Variants in BICDL1 observed in about 807,000 individuals in gnomAD.
BICDL1 encodes BICD family-like cargo adapter 1.
A neutral mutation model predicts 76.8 loss-of-function variants in BICDL1; 20 were observed. The observed-to-expected ratio is 0.26, with a 90% CI of 0.18 to 0.38. The LOEUF (loss-of-function observed/expected upper bound fraction) is 0.38. BICDL1 is among the 10% of genes least tolerant of loss of function. The pLI, the probability that BICDL1 is intolerant of heterozygous loss-of-function variation, is 1.00. For missense variants in BICDL1, 700 were observed against 798.6 expected (o/e 0.88, Z 1.49); for synonymous variants, 383 against 337.1 (o/e 1.14, Z -1.49).
intron 2 of BICDL1, among the ~76,000 whole-genome samples, chr12:120,009,150 G>A (rs1951906290): frequency 6.6e-6 from 1 of 152,102 alleles, no homozygotes; most frequent in Admixed American, 6.5e-5. Context: ...ACCACACCCA[G>A]CTAATTTTTG....
intron 2 of BICDL1, among the ~76,000 whole-genome samples, chr12:120,024,317 A>T (rs1952244353): frequency 6.6e-6 from 1 of 152,188 alleles, no homozygotes; most frequent in South Asian, 2.1e-4. Context: ...ACCTAAATCG[A>T]ACTTCTAGAA....
chr12:120,024,506 A>G (rs976794747), intron 2 of BICDL1, among the ~76,000 whole-genome samples: 5 of 152,224 alleles, frequency 3.3e-5, no homozygotes, highest in African/African-American at 1.2e-4. Flanking sequence ...TTGAACAAAT[A>G]ATGGCTGAAA....
chr12:120,043,820 C>T (rs529018660), intron 2 of BICDL1, among the ~76,000 whole-genome samples: 77 of 152,310 alleles, frequency 5.1e-4, no homozygotes, highest in Non-Finnish European at 9.0e-4. Context: ...CATTTGAATA[C>T]CTGCCATGTG....
At chr12:120,015,052 A>G (rs150569802) in intron 2 of BICDL1, among the ~76,000 whole-genome samples, 13 of 152,198 alleles carry the variant, frequency 8.5e-5, no homozygotes, top group Non-Finnish European at 1.9e-4. Context: ...CAAAGCTGAA[A>G]CCCTCAAGAG....
intron 2 of BICDL1, among the ~76,000 whole-genome samples, chr12:120,054,036 CATG>C (rs1378278879): frequency 6.6e-6 from 1 of 151,008 alleles, no homozygotes; most frequent in Non-Finnish European, 1.5e-5. Context: ...ATAAGCCAGG[CATG>C]GTGGTGGGCA....
At chr12:120,034,230 C>T (rs1161244160) in intron 2 of BICDL1, among the ~76,000 whole-genome samples, 1 of 152,190 alleles carries the variant, frequency 6.6e-6, no homozygotes, top group Non-Finnish European at 1.5e-5. Flanking sequence ...GATCTGCCAT[C>T]TGTAGAAATA....
chr12:119,989,806 C>T lies in BICDL1; in HGVS notation c.-63C>T. 4 of 816,008 alleles carry T rather than the reference C, an allele frequency of 4.9e-6. No individual in the cohort carries two copies. The highest frequency in any genetic ancestry group is 1.1e-4 in the South Asian group (2 of 17,928). 50.5% of individuals were successfully genotyped at this position (816,008 alleles called of 1,614,324 possible). On this transcript the variant is annotated 5_prime_UTR_variant, in exon 1 of 10. Coordinates refer to ENST00000548673, the MANE Select transcript of BICDL1 (RefSeq NM_001367886.1). ...CGCGGGGCGGCGCGGCAGGGCCCCTCCCCCCTGCAGCCTGGCGCGCGCGGG... is the reference window on the plus strand; with the variant it reads ...CGCGGGGCGGCGCGGCAGGGCCCCTTCCCCCTGCAGCCTGGCGCGCGCGGG...
chr12:120,033,420 A>G (rs1952468288), intron 2 of BICDL1, among the ~76,000 whole-genome samples: 1 of 120,378 alleles, frequency 8.3e-6, no homozygotes, highest in African/African-American at 3.5e-5. Context: ...TCTGTCGTCC[A>G]GGCTGGAGTG....
intron 2 of BICDL1, among the ~76,000 whole-genome samples, chr12:120,002,374 A>G (rs1951775473): frequency 6.6e-6 from 1 of 152,236 alleles, no homozygotes; most frequent in Admixed American, 6.5e-5. Flanking sequence ...ACCAACAGAT[A>G]CAACTCTTGG....
intron 7 of BICDL1, among the ~76,000 whole-genome samples, chr12:120,075,287 C>T (rs994145393): frequency 6.6e-6 from 1 of 152,296 alleles, no homozygotes. Context: ...TGCTCCTGCC[C>T]CTGTCCTTTC....
Position 120,074,532 on chromosome 12 carries a change from A to G in BICDL1, c.1398A>G (p.Gly466=). 7.8e-7 allele frequency: 1 copy of G among 1,280,210 alleles called. No individual in the cohort carries two copies. The highest frequency in any genetic ancestry group is 5.8e-5 in the East Asian group (1 of 17,378). The allele number at this position is 1,280,210 out of a possible 1,614,324, so 79.3% of individuals were successfully genotyped here. ...DSRALRELME[G]ERGKLRQSLE... The stretch of plus-strand genomic sequence containing the variant: ...GAGCCCTAAGGGAGCTCATGGAGGG[A>G]GAGAGGGGTAAACTGAGGCAAAGCC... The change falls in exon 7 of 10, where the codon GGA becomes GGG. Residue 466 remains glycine, a synonymous_variant. Transcript: ENST00000548673.
At chr12:120,039,016 G>A (rs896038768) in intron 2 of BICDL1, among the ~76,000 whole-genome samples, 3 of 152,166 alleles carry the variant, frequency 2.0e-5, no homozygotes, top group African/African-American at 7.2e-5. Flanking sequence ...ACAAAAACAA[G>A]GCCGGGCACG....
intron 9 of BICDL1, chr12:120,091,033 C>T (rs538719550): frequency 1.1e-4 from 137 of 1,288,838 alleles, no homozygotes; most frequent in Non-Finnish European, 1.3e-4. Flanking sequence ...AGCCTGAGCC[C>T]TACATCCCAT....
intron 2 of BICDL1, among the ~76,000 whole-genome samples, chr12:120,020,553 T>C (rs1394008527): frequency 6.6e-6 from 1 of 152,122 alleles, no homozygotes; most frequent in Non-Finnish European, 1.5e-5. Context: ...CAAATAACTC[T>C]AGGTGATGAG....
At chr12:120,067,091 C>T (rs1953237313) in intron 4 of BICDL1, among the ~76,000 whole-genome samples, 1 of 152,198 alleles carries the variant, frequency 6.6e-6, no homozygotes, top group African/African-American at 2.4e-5. Context: ...TGAGAATAAG[C>T]ATAAAAATTA....
At chr12:120,046,660 C>G (rs1215269213) in intron 2 of BICDL1, among the ~76,000 whole-genome samples, 1 of 152,128 alleles carries the variant, frequency 6.6e-6, no homozygotes, top group Non-Finnish European at 1.5e-5. Flanking sequence ...TCTTATTTAT[C>G]TCTGTATCCC....
intron 8 of BICDL1, among the ~76,000 whole-genome samples, chr12:120,085,510 C>T (rs1228240590): frequency 1.3e-5 from 2 of 151,978 alleles, no homozygotes; most frequent in African/African-American, 4.8e-5. Context: ...CGTGGAAGTC[C>T]ACTAGAAATC....
chr12:120,026,318 G>A (rs902273095), intron 2 of BICDL1, among the ~76,000 whole-genome samples: 4 of 152,088 alleles, frequency 2.6e-5, no homozygotes, highest in Admixed American at 1.3e-4. Flanking sequence ...AAAGCAAATG[G>A]AGGAAAATGT....
intron 2 of BICDL1, among the ~76,000 whole-genome samples, chr12:120,008,144 C>A (rs1339254473): frequency 1.4e-5 from 2 of 141,386 alleles, no homozygotes; most frequent in Non-Finnish European, 3.0e-5. Flanking sequence ...ATGATAATTA[C>A]TCTTTCTTTT....
Sources: gnomAD v4.1 joint callset for allele counts (sites outside exome capture counted in the v4.1 genomes callset) on GRCh38, gnomAD v4.1.1 for gene constraint, MANE v1.5 for transcripts, NCBI Gene and HGNC (gene_info 2026-07-23, HGNC 2026-07-21) for gene names.